CHRM3: variants seen among roughly 807,000 people sequenced by gnomAD.
CHRM3 encodes the protein muscarinic acetylcholine receptor M3.
CHRM3 carries 11 observed loss-of-function variants against 41.8 expected under a neutral mutation model. The observed-to-expected ratio is 0.26, with a 90% CI of 0.17 to 0.44. The LOEUF (loss-of-function observed/expected upper bound fraction) is 0.44, where lower values mean the gene tolerates loss of function less well. Among genes scored for constraint, CHRM3 ranks in the 20% least tolerant of loss-of-function variants. CHRM3 has a pLI of 1.00. For missense variants in CHRM3, 571 were observed against 745.4 expected (o/e 0.77, Z 2.72); for synonymous variants, 297 against 301.4 (o/e 0.99, Z 0.15).
intron 3 of CHRM3, among the ~76,000 whole-genome samples, chr1:239,606,974 TACTC>T (rs1666388267): frequency 6.6e-6 from 1 of 152,208 alleles, no homozygotes; most frequent in Admixed American, 6.5e-5. Flanking sequence ...TCTGGCTTCT[TACTC>T]TTACCCCTGT....
intron 1 of CHRM3, among the ~76,000 whole-genome samples, chr1:239,418,262 G>T (rs10802765): frequency 6.6e-6 from 1 of 152,186 alleles, no homozygotes; most frequent in Admixed American, 6.5e-5. Context: ...CAGCTCATCT[G>T]TGTTTTTAAG....
chr1:239,694,825 ATAT>A (rs1660032558), intron 5 of CHRM3, among the ~76,000 whole-genome samples: 1 of 152,182 alleles, frequency 6.6e-6, no homozygotes, highest in Non-Finnish European at 1.5e-5. Context: ...TTATTTTAAA[ATAT>A]TAATAATATG....
At chr1:239,586,897 T>A (rs1162037292) in intron 3 of CHRM3, among the ~76,000 whole-genome samples, 1 of 152,176 alleles carries the variant, frequency 6.6e-6, no homozygotes, top group Non-Finnish European at 1.5e-5. Flanking sequence ...AAGGGAAAGT[T>A]GAAGCTTTAA....
intron 1 of CHRM3, among the ~76,000 whole-genome samples, chr1:239,411,299 G>T (rs1661041518): frequency 6.6e-6 from 1 of 152,118 alleles, no homozygotes; most frequent in African/African-American, 2.4e-5. Flanking sequence ...CTGGATCTGT[G>T]CTCTTAAAGC....
intron 2 of CHRM3, among the ~76,000 whole-genome samples, chr1:239,511,059 A>C (rs937789047): frequency 6.6e-6 from 1 of 152,214 alleles, no homozygotes. Context: ...GGGTTAAAGA[A>C]AAGTACCACA....
rs140256008 is a variant in CHRM3, at chr1:239,727,276, A to G, written c.-147+48988A>G. On this transcript the variant is annotated intron_variant, in intron 5 of 6. Transcript: ENST00000676153. ...CATTTTCTATTTGGACAGAATTGTT[A>G]TTCTGAGTAGCCTGCACCTGACCCC... 1.4e-3 allele frequency among the ~76,000 whole-genome samples: 220 copies of G among 152,066 alleles called. 3 individuals carry two copies. Among genetic ancestry groups the G allele is most frequent in the African/African-American group, 5.2e-3 (215 of 41,538 alleles).
intron 5 of CHRM3, among the ~76,000 whole-genome samples, chr1:239,787,114 A>G (rs909586052): frequency 2.0e-5 from 3 of 152,194 alleles, no homozygotes; most frequent in African/African-American, 7.2e-5. Flanking sequence ...TTTGGTTTTC[A>G]TAAATAGGTG....
chr1:239,666,450 C>A (rs1482711776), intron 4 of CHRM3, among the ~76,000 whole-genome samples: 1 of 152,002 alleles, frequency 6.6e-6, no homozygotes, highest in Non-Finnish European at 1.5e-5. Context: ...CCTTGGCCTC[C>A]CAAAGTGCTC....
chr1:239,714,373 G>A (rs1022007846), intron 5 of CHRM3: 2 of 152,306 alleles, frequency 1.3e-5, no homozygotes, highest in East Asian at 1.9e-4. Flanking sequence ...AGAGTGCTCT[G>A]AGAGCACCTG....
chr1:239,845,317 A>AT (rs1674175570), intron 6 of CHRM3, among the ~76,000 whole-genome samples: 1 of 152,026 alleles, frequency 6.6e-6, no homozygotes, highest in Admixed American at 6.6e-5. Context: ...TTTTCATTTG[A>AT]TTTTTACTCT....
chr1:239,588,914 G>C (rs191765880), intron 3 of CHRM3, among the ~76,000 whole-genome samples: 19 of 151,914 alleles, frequency 1.3e-4, no homozygotes, highest in Admixed American at 2.0e-4. Context: ...AAGCAAAACT[G>C]TTCATCTTAG....
intron 5 of CHRM3, among the ~76,000 whole-genome samples, chr1:239,824,748 G>T (rs1672321424): frequency 6.6e-6 from 1 of 152,136 alleles, no homozygotes; most frequent in African/African-American, 2.4e-5. Flanking sequence ...GTTATAAAAA[G>T]TTATAGTAAC....
intron 1 of CHRM3, among the ~76,000 whole-genome samples, chr1:239,435,234 G>A (rs1009354922): frequency 1.3e-5 from 2 of 152,024 alleles, no homozygotes; most frequent in African/African-American, 4.8e-5. Context: ...GGCGGATCAC[G>A]AGGTCAGGAG....
intron 2 of CHRM3, among the ~76,000 whole-genome samples, chr1:239,505,581 A>G (rs1668514498): frequency 1.3e-5 from 2 of 152,194 alleles, no homozygotes; most frequent in South Asian, 4.1e-4. Flanking sequence ...TGTAAGTCCA[A>G]TAAACCTTTT....
chr1:239,670,211 C>G (rs1674219272), intron 4 of CHRM3, among the ~76,000 whole-genome samples: 2 of 152,122 alleles, frequency 1.3e-5, no homozygotes, highest in Non-Finnish European at 2.9e-5. Flanking sequence ...ACCATCACGC[C>G]AAGTTCTCTT....
At chr1:239,646,416 G>C (rs1671742687) in intron 4 of CHRM3, among the ~76,000 whole-genome samples, 2 of 152,170 alleles carry the variant, frequency 1.3e-5, no homozygotes. Context: ...TAACCAAGTT[G>C]TCATGGTCTA....
chr1:239,460,566 A>G (rs1425530636), intron 1 of CHRM3, among the ~76,000 whole-genome samples: 1 of 152,170 alleles, frequency 6.6e-6, no homozygotes, highest in Admixed American at 6.6e-5. Flanking sequence ...GGAAGACATT[A>G]TTCCTTAACC....
chr1:239,629,695 C>T (rs1015959436), intron 3 of CHRM3, among the ~76,000 whole-genome samples: 1 of 152,158 alleles, frequency 6.6e-6, no homozygotes, highest in Admixed American at 6.5e-5. Flanking sequence ...ATTTCCAAGG[C>T]ATGCCAGTAC....
At chr1:239,568,376 G>A (rs926908160) in intron 3 of CHRM3, among the ~76,000 whole-genome samples, 1 of 152,094 alleles carries the variant, frequency 6.6e-6, no homozygotes, top group Non-Finnish European at 1.5e-5. Context: ...GTTTTATAAG[G>A]GGAGACCCTT....
Sources: allele counts gnomAD v4.1 joint callset (sites outside exome capture counted in the v4.1 genomes callset), GRCh38; gene constraint gnomAD v4.1.1; transcripts MANE v1.5; gene names NCBI Gene and HGNC (gene_info 2026-07-23, HGNC 2026-07-21).